The following ST6GALNAC3 variants were observed in gnomAD, a reference collection of about 807,000 sequenced individuals.
ST6GALNAC3 encodes ST6 N-acetylgalactosaminide alpha-2,6-sialyltransferase 3, also known as alpha-N-acetylgalactosaminide alpha-2,6-sialyltransferase 3.
ST6GALNAC3 carries 25 observed loss-of-function variants against 32.7 expected under a neutral mutation model. The ratio of observed to expected loss-of-function variants is 0.76; its 90% CI spans 0.56 to 1.07. The LOEUF (loss-of-function observed/expected upper bound fraction) is 1.07. Among genes scored for constraint, ST6GALNAC3 ranks in the 50% least tolerant of loss-of-function variants. The pLI, the probability that ST6GALNAC3 is intolerant of heterozygous loss-of-function variation, is 0.00. For missense variants in ST6GALNAC3, 355 were observed against 382.4 expected (o/e 0.93, Z 0.60); for synonymous variants, 129 against 133.1 (o/e 0.97, Z 0.21).
chr1:76,087,623 C>G (rs536536830), intron 1 of ST6GALNAC3, among the ~76,000 whole-genome samples: 25 of 152,170 alleles, frequency 1.6e-4, no homozygotes, highest in African/African-American at 5.6e-4. Context: ...TTTATCCCCA[C>G]AGGCTCATGA....
At chr1:76,130,546 C>T (rs901490) in intron 1 of ST6GALNAC3, among the ~76,000 whole-genome samples, 43,234 of 152,140 alleles carry the variant, frequency 0.28, 6,915 homozygotes, top group East Asian at 0.78. Context: ...GGGTGGCCAC[C>T]TGCTCATGTA....
At chr1:76,539,261 G>A (rs1477058348) in intron 3 of ST6GALNAC3, among the ~76,000 whole-genome samples, 2 of 152,132 alleles carry the variant, frequency 1.3e-5, no homozygotes, top group Non-Finnish European at 2.9e-5. Flanking sequence ...AACAAGCAAT[G>A]GGGAAATGAT....
In ST6GALNAC3 at chr1:76,088,242, T is replaced by G. The variant is rs75698459; in HGVS notation, c.18+13358T>G. 2.4e-3 allele frequency among the ~76,000 whole-genome samples: 363 copies of G among 152,330 alleles called. 4 individuals are homozygous for G. Among genetic ancestry groups the G allele is most frequent in the African/African-American group, 8.5e-3 (352 of 41,572 alleles). ...GTTTGACCCTGGCATCTATAACAGA[T>G]GCGCCTATGACCACAGACTTTGTTT... On this transcript the variant is annotated intron_variant, in intron 1 of 4. Transcript: ENST00000328299.
At chr1:76,522,791 C>T (rs1662629702) in intron 3 of ST6GALNAC3, among the ~76,000 whole-genome samples, 1 of 152,128 alleles carries the variant, frequency 6.6e-6, no homozygotes, top group African/African-American at 2.4e-5. Flanking sequence ...GATTAATTTA[C>T]ACCTGGAAAG....
At chr1:76,411,878 A>G (rs1654263077) in intron 2 of ST6GALNAC3, 130 bp from the exon 3 acceptor site, 1 of 984,634 alleles carries the variant, frequency 1.0e-6, no homozygotes, top group East Asian at 2.6e-5. Flanking sequence ...TAGGTTTGGT[A>G]TTTGTAGGTA....
intron 1 of ST6GALNAC3, among the ~76,000 whole-genome samples, chr1:76,112,512 G>A (rs534806398): frequency 3.3e-5 from 5 of 151,488 alleles, no homozygotes; most frequent in South Asian, 4.2e-4. Flanking sequence ...CTGGCCGGGC[G>A]GGGTATTGAC....
intron 2 of ST6GALNAC3, among the ~76,000 whole-genome samples, chr1:76,314,821 A>AGT (rs1037544450): frequency 6.6e-6 from 1 of 152,168 alleles, no homozygotes; most frequent in Non-Finnish European, 1.5e-5. Context: ...ACAAGCTACC[A>AGT]GTGTGTCTAC....
chr1:76,546,849 G>A (rs1664328765), intron 3 of ST6GALNAC3, among the ~76,000 whole-genome samples: 2 of 152,228 alleles, frequency 1.3e-5, no homozygotes, highest in South Asian at 2.1e-4. Context: ...GGCACCACAC[G>A]TTGTGTTCCC....
chr1:76,191,073 C>G (rs1398659710), intron 1 of ST6GALNAC3, among the ~76,000 whole-genome samples: 1 of 152,104 alleles, frequency 6.6e-6, no homozygotes, highest in Admixed American at 6.6e-5. Flanking sequence ...TGTTTGAGAA[C>G]CACTGAATGG....
intron 3 of ST6GALNAC3, among the ~76,000 whole-genome samples, chr1:76,516,801 A>G (rs189941672): frequency 2.6e-5 from 4 of 152,130 alleles, no homozygotes; most frequent in Admixed American, 1.3e-4. Context: ...TCAGATTTCT[A>G]TTAGCTTGTC....
chr1:76,076,360 A>G (rs988381783), intron 1 of ST6GALNAC3, among the ~76,000 whole-genome samples: 1 of 152,206 alleles, frequency 6.6e-6, no homozygotes, highest in African/African-American at 2.4e-5. Flanking sequence ...TTTCTCTTCT[A>G]GCACTTCACA....
At chr1:76,156,763 G>A (rs1341072059) in intron 1 of ST6GALNAC3, among the ~76,000 whole-genome samples, 1 of 151,948 alleles carries the variant, frequency 6.6e-6, no homozygotes, top group Admixed American at 6.5e-5. Context: ...ACGGAGTCTC[G>A]CTCTCTCGCC....
intron 3 of ST6GALNAC3, among the ~76,000 whole-genome samples, chr1:76,527,913 C>A (rs1221114964): frequency 2.0e-5 from 3 of 152,058 alleles, no homozygotes; most frequent in Non-Finnish European, 4.4e-5. Flanking sequence ...AAAATACAGG[C>A]TCATCATAAA....
At chr1:76,360,858 AT>A (rs1387727800) in intron 2 of ST6GALNAC3, among the ~76,000 whole-genome samples, 1 of 152,162 alleles carries the variant, frequency 6.6e-6, no homozygotes, top group Non-Finnish European at 1.5e-5. Flanking sequence ...CAGAGTCTCA[AT>A]TTCAAGGAAA....
chr1:76,186,097 C>T lies in ST6GALNAC3; in HGVS notation c.18+111213C>T, dbSNP rs559742472. ...GGAGGGACCACTGTTCTCTTATACC[C>T]AGTTCTCCTTCATGGTTCAGAATTT... On this transcript the variant is annotated intron_variant, in intron 1 of 4. Transcript: ENST00000328299. 2.6e-5 allele frequency among the ~76,000 whole-genome samples: 4 copies of T among 152,226 alleles called. No homozygotes were observed. The South Asian group carries it at 8.3e-4, about 32-fold the overall frequency.
At chr1:76,485,717 A>G (rs1296681824) in intron 3 of ST6GALNAC3, among the ~76,000 whole-genome samples, 1 of 151,108 alleles carries the variant, frequency 6.6e-6, no homozygotes, top group African/African-American at 2.4e-5. Flanking sequence ...TTGTGTCTCT[A>G]TCTCCTTCAG....
At chr1:76,244,222 G>A (rs1381624501) in intron 1 of ST6GALNAC3, among the ~76,000 whole-genome samples, 1 of 152,058 alleles carries the variant, frequency 6.6e-6, no homozygotes, top group African/African-American at 2.4e-5. Context: ...GTGAATGGGA[G>A]TTTATTCATG....
chr1:76,300,607 G>T (rs753348875), intron 1 of ST6GALNAC3, among the ~76,000 whole-genome samples: 1 of 151,974 alleles, frequency 6.6e-6, no homozygotes, highest in Non-Finnish European at 1.5e-5. Context: ...TTGCTAAGTG[G>T]TAAACTGATT....
rs112040264 is a variant in ST6GALNAC3, at chr1:76,083,226, T to C, written c.18+8342T>C. Among the ~76,000 whole-genome samples, 779 of 152,354 alleles carry C rather than the reference T, an allele frequency of 5.1e-3. 8 individuals are homozygous for C. The highest frequency in any genetic ancestry group is 0.018 in the African/African-American group (752 of 41,594). ...GATTAAAACCTGGTTGCAATACTCA[T>C]CTTAGATTTTGAGAACTAGAATGAG... On this transcript the variant is annotated intron_variant, in intron 1 of 4. Transcript: ENST00000328299.
Sources: allele counts gnomAD v4.1 joint callset (sites outside exome capture counted in the v4.1 genomes callset), GRCh38; gene constraint gnomAD v4.1.1; transcripts MANE v1.5; gene names NCBI Gene and HGNC (gene_info 2026-07-23, HGNC 2026-07-21).